Variants in ZNF420 observed in about 807,000 individuals in gnomAD.
ZNF420 encodes the protein ATM and p53-associated KZNF protein.
Under a neutral mutation model 44.7 loss-of-function variants are expected in ZNF420, and 31 were observed. The ratio of observed to expected loss-of-function variants is 0.69; its 90% CI spans 0.52 to 0.94. ZNF420 has a LOEUF of 0.94. Ranked by LOEUF, ZNF420 falls within the 40% of genes least tolerant of loss-of-function variation. The probability of loss-of-function intolerance (pLI) is 0.00; values close to 1 mark genes in which losing one functional copy is unlikely to be tolerated. For missense variants in ZNF420, 681 were observed against 827.9 expected, an observed-to-expected ratio of 0.82 and a Z score of 2.18; for synonymous variants, 245 against 267.4, an observed-to-expected ratio of 0.92 and a Z score of 0.82.
rs146441524 is a variant in ZNF420 at position 37,129,053 on chromosome 19, A to G, written c.2062A>G (p.Met688Val). 21 of 1,608,358 alleles carry G rather than the reference A, an allele frequency of 1.3e-5. No homozygotes were observed. Among genetic ancestry groups the G allele is most frequent in the Non-Finnish European group, 1.7e-5 (20 of 1,175,784 alleles). ...CTTTAGTCATGGCTCACAAGTTTAC[A>G]TGTGAATTGTCTGATTATTTGAGAT... ...IDFSHGSQVY[M>V] Residue 688 changes from methionine to valine, a missense_variant, in exon 5 of 5, where the codon ATG becomes GTG. By Grantham distance (21) the Met-to-Val change is conservative. Around this residue, in one of 3 missense-constraint regions of ZNF420, gnomAD observed 280 missense variants for 338.6 expected, o/e 0.83. Coordinates refer to ENST00000337995, the MANE Select transcript of ZNF420 (RefSeq NM_144689.5).
intron 1 of ZNF420, among the ~76,000 whole-genome samples, chr19:37,014,778 G>GA (rs2074597700): frequency 6.6e-6 from 1 of 152,198 alleles, no homozygotes; most frequent in Non-Finnish European, 1.5e-5. Context: ...TGGCAGATCA[G>GA]GAGCCCTCTG....
intron 1 of ZNF420, among the ~76,000 whole-genome samples, chr19:37,064,379 G>A (rs1208201329): frequency 2.0e-5 from 3 of 151,992 alleles, no homozygotes; most frequent in Admixed American, 1.3e-4. Flanking sequence ...TGACCAGTTT[G>A]CTCCAGATTT....
intron 1 of ZNF420, among the ~76,000 whole-genome samples, chr19:37,062,430 TC>T (rs1464048076): frequency 6.6e-6 from 1 of 152,222 alleles, no homozygotes; most frequent in East Asian, 1.9e-4. Context: ...TCCATGAAAA[TC>T]TTTTATTTTC....
At chr19:37,080,433 G>C (rs1423695157) in intron 2 of ZNF420, 45 bp downstream of exon 2, 1 of 152,566 alleles carries the variant, frequency 6.6e-6, no homozygotes, top group Non-Finnish European at 1.5e-5. Context: ...TGTTATTACA[G>C]GACATAGACA....
intron 1 of ZNF420, among the ~76,000 whole-genome samples, chr19:37,010,569 A>T (rs2074561814): frequency 1.4e-5 from 2 of 147,300 alleles, no homozygotes; most frequent in South Asian, 2.1e-4. Flanking sequence ...TCTGTCTGTG[A>T]GTGTGTGTGC....
intron 4 of ZNF420, among the ~76,000 whole-genome samples, chr19:37,103,499 C>A (rs1458158705): frequency 6.6e-6 from 1 of 152,288 alleles, no homozygotes; most frequent in African/African-American, 2.4e-5. Context: ...ACATAATGGT[C>A]ATGACTATTC....
At chr19:37,008,402 C>G (rs890912753) in intron 1 of ZNF420, among the ~76,000 whole-genome samples, 7 of 152,170 alleles carry the variant, frequency 4.6e-5, no homozygotes, top group African/African-American at 9.7e-5. Context: ...TGGTGAGCCT[C>G]TTTCTGCATC....
chr19:37,035,543 T>C (rs1345077372), intron 1 of ZNF420, among the ~76,000 whole-genome samples: 1 of 152,030 alleles, frequency 6.6e-6, no homozygotes, highest in Non-Finnish European at 1.5e-5. Context: ...CATTTGTAAA[T>C]AGGTGTTTTC....
intron 4 of ZNF420, among the ~76,000 whole-genome samples, chr19:37,110,295 G>C (rs950942957): frequency 6.6e-6 from 1 of 152,166 alleles, no homozygotes; most frequent in Admixed American, 6.5e-5. Flanking sequence ...ATTAACTTCT[G>C]CCTCTTGAGT....
chr19:37,024,609 T>G (rs1020417879), intron 1 of ZNF420, among the ~76,000 whole-genome samples: 1 of 152,068 alleles, frequency 6.6e-6, no homozygotes, highest in African/African-American at 2.4e-5. Flanking sequence ...TCACCACACC[T>G]GGCTAATTTT....
chr19:37,044,257 C>A (rs954689745), intron 1 of ZNF420, among the ~76,000 whole-genome samples: 1 of 152,194 alleles, frequency 6.6e-6, no homozygotes, highest in African/African-American at 2.4e-5. Context: ...TGGCTTACAT[C>A]AGGAACTCCA....
At chr19:37,127,090 TA>T in intron 4 of ZNF420, 37 bp from the exon 5 acceptor site, 1 of 1,445,132 alleles carries the variant, frequency 6.9e-7, no homozygotes, top group Non-Finnish European at 9.1e-7. Context: ...CTATAGAAGT[TA>T]TATTTCTCAA....
intron 4 of ZNF420, among the ~76,000 whole-genome samples, chr19:37,120,028 A>C (rs1240407182): frequency 6.6e-6 from 1 of 152,230 alleles, no homozygotes; most frequent in Non-Finnish European, 1.5e-5. Context: ...TTCACAGCCA[A>C]ATTCTACCAG....
intron 1 of ZNF420, among the ~76,000 whole-genome samples, chr19:37,034,576 A>G (rs969404935): frequency 1.3e-5 from 2 of 152,132 alleles, no homozygotes; most frequent in Non-Finnish European, 2.9e-5. Flanking sequence ...TAAATATATC[A>G]TGTCTCTCCT....
chr19:37,043,420 C>T (rs1967492654), intron 1 of ZNF420, among the ~76,000 whole-genome samples: 1 of 152,260 alleles, frequency 6.6e-6, no homozygotes. Context: ...GTATCCTCAA[C>T]ACATTTATAT....
chr19:37,091,868 A>G (rs1969167553), intron 4 of ZNF420: 1 of 148,704 alleles, frequency 6.7e-6, no homozygotes, highest in Non-Finnish European at 1.5e-5. Context: ...TGGAGGTTGC[A>G]GTGAGCTGAG....
At chr19:37,118,540 G>T (rs1198468340) in intron 4 of ZNF420, among the ~76,000 whole-genome samples, 1 of 152,138 alleles carries the variant, frequency 6.6e-6, no homozygotes, top group East Asian at 1.9e-4. Flanking sequence ...GACCATCAAG[G>T]CTGGGAAGAA....
intron 4 of ZNF420, among the ~76,000 whole-genome samples, chr19:37,097,122 T>C (rs2146575090): frequency 6.6e-6 from 1 of 152,142 alleles, no homozygotes; most frequent in East Asian, 1.9e-4. Flanking sequence ...TGGTCTTGAA[T>C]TCTTGACCTT....
intron 1 of ZNF420, among the ~76,000 whole-genome samples, chr19:37,027,977 T>C (rs2385416): frequency 0.024 from 3,669 of 152,312 alleles, 156 homozygotes; most frequent in African/African-American, 0.083. Context: ...GGTAATCATA[T>C]GTTTAGTTTT....
Sources: gnomAD v4.1 joint callset for allele counts (sites outside exome capture counted in the v4.1 genomes callset) on GRCh38, gnomAD v4.1.1 for gene constraint, gnomAD v4.1.1 regional missense constraint, MANE v1.5 for transcripts, NCBI Gene and HGNC (gene_info 2026-07-23, HGNC 2026-07-21) for gene names.